MITF: variants seen among roughly 807,000 people sequenced by gnomAD.
The protein encoded by MITF is microphthalmia-associated transcription factor.
In MITF, 17 loss-of-function variants were observed where a neutral mutation model predicts 60.5. That is an observed-to-expected ratio of 0.28 (90% CI 0.19 to 0.42). The LOEUF is 0.42. Ranked by LOEUF, MITF falls within the 10% of genes least tolerant of loss-of-function variation. The pLI is 1.00. For missense variants in MITF, 622 were observed against 683.5 expected, an observed-to-expected ratio of 0.91 and a Z score of 1.00; for synonymous variants, 260 against 248.5, an observed-to-expected ratio of 1.05 and a Z score of -0.43.
chr3:69,808,035 C>T (rs2063038497), intron 1 of MITF, among the ~76,000 whole-genome samples: 1 of 148,666 alleles, frequency 6.7e-6, no homozygotes, highest in Non-Finnish European at 1.5e-5. Context: ...AAAATGGGAG[C>T]ATTGCTCAGA....
Position 69,936,687 on chromosome 3 carries a change from G to A in MITF, c.355-1135G>A, listed in dbSNP as rs77588960. On this transcript the variant is annotated intron_variant, in intron 2 of 9. Coordinates refer to ENST00000352241, the MANE Select transcript of MITF (RefSeq NM_001354604.2). ...AAAGTAGAGGGAGGGATAGTCTACC[G>A]TCTCTCACTGGATTGGTGCCACCTA... The A allele has an allele frequency of 0.011, 17,115 of 1,612,742 alleles. 195 individuals carry two copies. The highest frequency in any genetic ancestry group is 0.036 in the South Asian group (3,276 of 90,852).
Position 69,936,543 on chromosome 3 carries a change from A to G in MITF, c.355-1279A>G. 3.6e-6 allele frequency: 5 copies of G among 1,391,748 alleles called. No individual in the cohort carries two copies. In the South Asian group the frequency reaches 9.4e-5, roughly 26 times the overall value. 86.2% of individuals were successfully genotyped at this position (1,391,748 alleles called of 1,614,324 possible). On this transcript the variant is annotated intron_variant, in intron 2 of 9. Coordinates refer to ENST00000352241, the MANE Select transcript of MITF (RefSeq NM_001354604.2). The stretch of plus-strand genomic sequence containing the variant: ...GTGAACGTTTTTTTTTACATGCATA[A>G]CTAATTAGCTTAGGTTATTATAAGC...
intron 5 of MITF, among the ~76,000 whole-genome samples, chr3:69,948,630 A>G (rs1576027890): frequency 6.6e-6 from 1 of 152,316 alleles, no homozygotes. Context: ...GAACAAAATT[A>G]ACTTTAATGG....
rs2107537822 is a variant in MITF, at chr3:69,959,392, C to T, written c.1151C>T (p.Ala384Val). ...AACCGACAGAAGAAACTGGAGCACG[C>T]CAACCGGCATTTGTTGCTCAGAATA... The part of the protein sequence containing the change: ...LENRQKKLEH[A>V]NRHLLLRIQE... Residue 384 changes from alanine (A) to valine (V), a missense_variant, in exon 9 of 10, where the codon GCC becomes GTC. Around this residue, in one of 5 missense-constraint regions of MITF, gnomAD observed 224 missense variants for 209.5 expected, o/e 1.07. Coordinates refer to ENST00000352241, the MANE Select transcript of MITF (RefSeq NM_001354604.2). 1 of 1,613,920 alleles carries T rather than the reference C, an allele frequency of 6.2e-7. No homozygotes were observed. The highest frequency in any genetic ancestry group is 1.3e-5 in the African/African-American group (1 of 75,034).
At chr3:69,739,938 G>C (rs1448716297) in intron 1 of MITF, among the ~76,000 whole-genome samples, 2 of 152,080 alleles carry the variant, frequency 1.3e-5, no homozygotes, top group African/African-American at 4.8e-5. Context: ...CGCCGGGGAC[G>C]AAGCGTCCAG....
chr3:69,829,926 T>C (rs950781642), intron 1 of MITF, among the ~76,000 whole-genome samples: 1 of 152,168 alleles, frequency 6.6e-6, no homozygotes, highest in African/African-American at 2.4e-5. Flanking sequence ...CCTCAGACAG[T>C]GGAGGAACCT....
chr3:69,938,250 G>A, intron 3 of MITF: 3 of 1,186,134 alleles, frequency 2.5e-6, no homozygotes, highest in African/African-American at 3.0e-5. Context: ...GCACATGACG[G>A]GAGACCTGGC....
intron 3 of MITF, chr3:69,938,423 G>T: frequency 6.5e-7 from 1 of 1,541,726 alleles, no homozygotes; most frequent in African/African-American, 1.4e-5. Flanking sequence ...TAGAAGAGGT[G>T]TGGGACATGC....
chr3:69,887,871 T>C (rs953523344), intron 2 of MITF, among the ~76,000 whole-genome samples: 2 of 152,176 alleles, frequency 1.3e-5, no homozygotes, highest in African/African-American at 2.4e-5. Context: ...CTGATGCATT[T>C]TATTTGAGTC....
intron 1 of MITF, among the ~76,000 whole-genome samples, chr3:69,754,541 T>G (rs1559610179): frequency 4.6e-5 from 7 of 152,082 alleles, no homozygotes; most frequent in Admixed American, 3.9e-4. Context: ...ATTGTAACTT[T>G]CCTGAGGCCA....
chr3:69,745,979 C>T (rs968001431), intron 1 of MITF, among the ~76,000 whole-genome samples: 6 of 152,204 alleles, frequency 3.9e-5, no homozygotes, highest in African/African-American at 1.4e-4. Context: ...GCAGTTTTTA[C>T]CCTTCTCTTA....
intron 8 of MITF, among the ~76,000 whole-genome samples, chr3:69,957,860 A>G (rs1297940342): frequency 6.6e-6 from 1 of 152,204 alleles, no homozygotes; most frequent in Non-Finnish European, 1.5e-5. Context: ...AAAACAGACT[A>G]TAATCTATAT....
At chr3:69,939,212 A>C (rs1300784589) in intron 4 of MITF, 31 bp downstream of exon 4, 2 of 1,580,610 alleles carry the variant, frequency 1.3e-6, no homozygotes, top group Non-Finnish European at 1.7e-6. Flanking sequence ...CTGAGGATGA[A>C]CACTTTGTAA....
At chr3:69,809,451 A>T (rs1489602751) in intron 1 of MITF, among the ~76,000 whole-genome samples, 1 of 152,160 alleles carries the variant, frequency 6.6e-6, no homozygotes, top group Admixed American at 6.6e-5. Flanking sequence ...ATGGATTCCC[A>T]GATGCTTTAT....
At chr3:69,852,244 C>T (rs1488638532) in intron 1 of MITF, among the ~76,000 whole-genome samples, 1 of 152,136 alleles carries the variant, frequency 6.6e-6, no homozygotes, top group Non-Finnish European at 1.5e-5. Context: ...ATCTTACATG[C>T]ACTGCCTGAG....
intron 1 of MITF, among the ~76,000 whole-genome samples, chr3:69,850,212 T>C (rs139934194): frequency 6.6e-6 from 1 of 152,134 alleles, no homozygotes; most frequent in Admixed American, 6.5e-5. Context: ...ATTTTTGGAG[T>C]GTTCAGATGA....
chr3:69,767,061 T>A (rs1396395653), intron 1 of MITF, among the ~76,000 whole-genome samples: 1 of 152,198 alleles, frequency 6.6e-6, no homozygotes, highest in Non-Finnish European at 1.5e-5. Flanking sequence ...TAGATAGAAC[T>A]TAATGAATGG....
At chr3:69,921,062 G>T (rs1575966493) in intron 2 of MITF, among the ~76,000 whole-genome samples, 1 of 152,178 alleles carries the variant, frequency 6.6e-6, no homozygotes, top group East Asian at 1.9e-4. Context: ...TAGAGACAGG[G>T]TTTCACCATG....
chr3:69,881,354 A>G (rs1394014185), intron 2 of MITF, among the ~76,000 whole-genome samples: 1 of 152,120 alleles, frequency 6.6e-6, no homozygotes, highest in African/African-American at 2.4e-5. Context: ...CTAGTAAACT[A>G]TGTCATATAA....
Sources: gnomAD v4.1 joint callset for allele counts (sites outside exome capture counted in the v4.1 genomes callset) on GRCh38, gnomAD v4.1.1 for gene constraint, gnomAD v4.1.1 regional missense constraint, MANE v1.5 for transcripts, NCBI Gene and HGNC (gene_info 2026-07-23, HGNC 2026-07-21) for gene names.